The following LRRTM1 variants were observed in gnomAD, a reference collection of about 807,000 sequenced individuals.
LRRTM1 encodes the protein leucine rich repeat transmembrane neuronal 1, also known as leucine-rich repeat transmembrane neuronal protein 1.
Under a neutral mutation model 37.3 loss-of-function variants are expected in LRRTM1, and 8 were observed. The ratio of observed to expected loss-of-function variants is 0.21; its 90% CI spans 0.13 to 0.39. LRRTM1 has a LOEUF of 0.39. Ranked by LOEUF, LRRTM1 falls within the 10% of genes least tolerant of loss-of-function variation. The pLI is 1.00. For synonymous variants in LRRTM1, 326 were observed against 316.8 expected (o/e 1.03, Z -0.31); for missense variants, 557 against 691.0 (o/e 0.81, Z 2.17).
chr2:80,294,111 C>T (rs750726086), intron 2 of LRRTM1, among the ~76,000 whole-genome samples: 2 of 152,060 alleles, frequency 1.3e-5, no homozygotes, highest in Admixed American at 6.6e-5. Context: ...AAGGTGGTAG[C>T]GGGAGAAGGA....
At chr2:80,300,918 G>T (rs1270448192), downstream of LRRTM1, among the ~76,000 whole-genome samples, 1 of 151,636 alleles carries the variant, frequency 6.6e-6, no homozygotes, top group Non-Finnish European at 1.5e-5. Context: ...CCTATGAGGG[G>T]TGAGAAGGAG....
Position 80,302,718 on chromosome 2 carries a change from C to G in LRRTM1, c.1102G>C (p.Glu368Gln), listed in dbSNP as rs1389864201. The change falls in exon 2 of 2, where the codon GAG becomes CAG. Residue 368 changes from glutamate (E) to glutamine (Q), a missense_variant. This residue lies in a region of LRRTM1 where 89 missense variants were observed against 80.7 expected (regional missense o/e 1.10). Transcript: ENST00000295057. The surrounding 1 kb of genome is among the most constrained non-coding windows in gnomAD (Gnocchi z 6.4). ...GAGAGCAGGTGGCCGCTGGTGGGCT[C>G]GGCCCCATCCTCGCACAGGTGGAAG... ...YAFHLCEDGA[E>Q]PTSGHLLSAV... 2.5e-6 allele frequency: 4 copies of G among 1,612,740 alleles called. No homozygotes were observed. The African/African-American group carries it at 5.3e-5, about 22-fold the overall frequency.
In LRRTM1 at chr2:80,304,666, G is replaced by A. The variant is rs186057704; in HGVS notation, c.-574C>T. The A allele has an allele frequency of 0.013, 2,044 of 153,518 alleles. 28 individuals carry two copies. The highest frequency in any genetic ancestry group is 0.068 in the Middle Eastern group (20 of 296). 9.5% of individuals were successfully genotyped at this position (153,518 alleles called of 1,614,324 possible). On this transcript the variant is annotated 5_prime_UTR_variant, in exon 1 of 2. Coordinates refer to ENST00000295057, the MANE Select transcript of LRRTM1 (RefSeq NM_178839.5). Reference sequence around the variant, plus strand: ...GGGGAGGTGCGGACGGCGGCGCGGGGAGCGGCGAGCGGCGCCCGGGCTCCT... The same window carrying A: ...GGGGAGGTGCGGACGGCGGCGCGGGAAGCGGCGAGCGGCGCCCGGGCTCCT...
chr2:80,296,189 T>A (rs1675728955), intron 2 of LRRTM1, among the ~76,000 whole-genome samples: 1 of 152,200 alleles, frequency 6.6e-6, no homozygotes, highest in Non-Finnish European at 1.5e-5. Context: ...AAGCATTTAT[T>A]TTTTTAGCAC....
chr2:80,289,802 C>A (rs1675081942), intron 2 of LRRTM1, among the ~76,000 whole-genome samples: 1 of 152,188 alleles, frequency 6.6e-6, no homozygotes, highest in South Asian at 2.1e-4. Context: ...AAAAAGTCAA[C>A]TGACAGGAGG....
In LRRTM1 at chr2:80,303,540, G is replaced by A. The variant is rs1330007818; in HGVS notation, c.280C>T (p.Leu94Phe). ...QFTGLMQLTW[L>F]YLDHNHICSV... ...CAGATGTGATTGTGATCCAGATAGA[G>A]CCACGTGAGCTGCATTAACCCCGTG... Residue 94 changes from leucine (L) to phenylalanine (F), a missense_variant, in exon 2 of 2, where the codon CTC becomes TTC. By Grantham distance (22) the Leu-to-Phe change is conservative. Coordinates refer to ENST00000295057, the MANE Select transcript of LRRTM1 (RefSeq NM_178839.5). This position sits in a 1 kb window ranked among gnomAD's most constrained non-coding sequence, Gnocchi z 7.7. 1 of 1,614,246 alleles carries A rather than the reference G, an allele frequency of 6.2e-7. No individual in the cohort carries two copies. Among genetic ancestry groups the A allele is most frequent in the East Asian group, 2.2e-5 (1 of 44,876 alleles).
At chr2:80,296,915 T>C (rs1389691500), downstream of LRRTM1, among the ~76,000 whole-genome samples, 15 of 152,164 alleles carry the variant, frequency 9.9e-5, no homozygotes, top group Admixed American at 6.5e-4. Flanking sequence ...ACCAGTACCA[T>C]AGACACATGA....
chr2:80,304,050 C>A (rs1026652729), intron 1 of LRRTM1, 102 bp downstream of exon 1: 2 of 436,224 alleles, frequency 4.6e-6, no homozygotes, highest in Admixed American at 4.1e-5. Flanking sequence ...ACGGAAAGAT[C>A]AAAGAGATGG....
downstream of LRRTM1, among the ~76,000 whole-genome samples, chr2:80,297,396 G>A (rs1368383819): frequency 6.6e-6 from 1 of 152,158 alleles, no homozygotes; most frequent in Non-Finnish European, 1.5e-5. Context: ...GTGAAGATAA[G>A]GTTGCTAGCA....
Position 80,303,346 on chromosome 2 carries a change from G to A in LRRTM1, c.474C>T (p.His158=), listed in dbSNP as rs140588949. Residue 158 remains histidine (H), a synonymous_variant, in exon 2 of 2, where the codon CAC becomes CAT. Transcript: ENST00000295057. This position sits in a 1 kb window ranked among gnomAD's most constrained non-coding sequence, Gnocchi z 7.7. The part of the protein sequence containing the change: ...KLQALAPDLF[H]GLRKLTTLHM... The stretch of plus-strand genomic sequence containing the variant: ...GCAGCGTGGTGAGCTTCCGCAGCCC[G>A]TGGAAGAGGTCGGGCGCGAGCGCCT... The A allele has an allele frequency of 2.0e-3, 3,199 of 1,614,012 alleles. 3 individuals carry two copies. Among genetic ancestry groups the A allele is most frequent in the South Asian group, 3.9e-3 (352 of 91,088 alleles).
Position 80,302,600 on chromosome 2 carries a change from TCGAATGTGC to T in LRRTM1, c.1211_1219del (p.Gly404_Phe406del). On this transcript the variant is annotated inframe_deletion, in exon 2 of 2. Transcript: ENST00000295057. The surrounding 1 kb of genome is among the most constrained non-coding windows in gnomAD (Gnocchi z 6.4). ...GCCTGGAAGAGCCACGGTGGCAGGCTCGAATGTGCCGTCGTGCTGCCCCTCCCCGCCGTC... is the reference window on the plus strand; with the variant it reads ...GCCTGGAAGAGCCACGGTGGCAGGCTCGTCGTGCTGCCCCTCCCCGCCGTC... The T allele has an allele frequency of 1.2e-6, 2 of 1,606,406 alleles. No individual in the cohort carries two copies. Among genetic ancestry groups the T allele is most frequent in the Non-Finnish European group, 1.7e-6 (2 of 1,178,796 alleles).
chr2:80,291,531 T>C (rs185840363), intron 2 of LRRTM1, among the ~76,000 whole-genome samples: 5 of 152,344 alleles, frequency 3.3e-5, no homozygotes, highest in Admixed American at 3.3e-4. Flanking sequence ...CATCCAACTA[T>C]GGCTGTGATT....
intron 2 of LRRTM1, among the ~76,000 whole-genome samples, chr2:80,295,224 AAT>A (rs1573622013): frequency 1.6e-5 from 2 of 123,870 alleles, no homozygotes; most frequent in East Asian, 5.0e-4. Context: ...GTCCTGAACA[AAT>A]TTTTTTTTTT....
At chr2:80,295,615 A>G (rs531325336) in intron 2 of LRRTM1, among the ~76,000 whole-genome samples, 1 of 152,336 alleles carries the variant, frequency 6.6e-6, no homozygotes, top group South Asian at 2.1e-4. Context: ...GGTAAAATAG[A>G]AGCCCCAAAC....
rs558416375 is a variant in LRRTM1 at position 80,302,233 on chromosome 2, T to C, written c.*18A>G. On this transcript the variant is annotated 3_prime_UTR_variant, in exon 2 of 2. Transcript: ENST00000295057. The surrounding 1 kb of genome is among the most constrained non-coding windows in gnomAD (Gnocchi z 6.4). ...CAGGCGTATTTGGTAGCGCATGGGT[T>C]GAGAGCCACTGGGACAATCACACCT... The C allele has an allele frequency of 3.1e-6, 5 of 1,606,240 alleles. No homozygotes were observed. The South Asian group carries it at 5.6e-5, about 18-fold the overall frequency.
rs556552783 is a variant in LRRTM1 at position 80,302,028 on chromosome 2, T to G, written c.*223A>C. 7.3e-6 allele frequency: 4 copies of G among 547,182 alleles called. No homozygotes were observed. Among genetic ancestry groups the G allele is most frequent in the Non-Finnish European group, 1.3e-5 (4 of 315,714 alleles). 33.9% of individuals were successfully genotyped at this position (547,182 alleles called of 1,614,324 possible). ...CTCATATGAAATTTAAGATAGACTG[T>G]CCTGAAGGTTGTGGGGTGGGGTTTT... On this transcript the variant is annotated 3_prime_UTR_variant, in exon 2 of 2. Coordinates refer to ENST00000295057, the MANE Select transcript of LRRTM1 (RefSeq NM_178839.5). The surrounding 1 kb of genome is among the most constrained non-coding windows in gnomAD (Gnocchi z 6.4).
intron 2 of LRRTM1, among the ~76,000 whole-genome samples, chr2:80,295,223 A>AC (rs1161676299): frequency 1.6e-5 from 2 of 123,596 alleles, no homozygotes; most frequent in Non-Finnish European, 3.4e-5. Context: ...AGTCCTGAAC[A>AC]AATTTTTTTT....
exon 3 of LRRTM1, chr2:80,288,835 G>A (rs1446915629): frequency 1.3e-5 from 2 of 152,166 alleles, no homozygotes; most frequent in African/African-American, 4.8e-5. Context: ...CAGTTCTTTG[G>A]GGTTGGTGGC....
At chr2:80,298,466 T>C (rs1013017654), downstream of LRRTM1, 2 of 152,322 alleles carry the variant, frequency 1.3e-5, no homozygotes, top group Non-Finnish European at 2.9e-5. Flanking sequence ...TGCCCTGTTC[T>C]ACTGGGCCAT....
Sources: allele counts gnomAD v4.1 joint callset (sites outside exome capture counted in the v4.1 genomes callset), GRCh38; gene constraint gnomAD v4.1.1; regional missense constraint gnomAD v4.1.1; non-coding constraint Gnocchi (gnomAD v3.1); transcripts MANE v1.5; gene names NCBI Gene and HGNC (gene_info 2026-07-23, HGNC 2026-07-21).